Variants in EYA2 observed in about 807,000 individuals in gnomAD.
EYA2 encodes protein phosphatase EYA2.
A neutral mutation model predicts 69.2 loss-of-function variants in EYA2; 31 were observed. The ratio of observed to expected loss-of-function variants is 0.45; its 90% CI spans 0.34 to 0.60. The LOEUF is 0.60. EYA2 is among the 20% of genes least tolerant of loss of function. The pLI is 0.02. For missense variants in EYA2, 622 were observed against 701.2 expected (o/e 0.89, Z 1.28); for synonymous variants, 257 against 279.4 (o/e 0.92, Z 0.80).
At chr20:46,994,362 A>C (rs1185535614) in intron 2 of EYA2, among the ~76,000 whole-genome samples, 1 of 152,214 alleles carries the variant, frequency 6.6e-6, no homozygotes, top group East Asian at 1.9e-4. Context: ...TGTCTCTGGG[A>C]AGGGGTGGTG....
intron 7 of EYA2, among the ~76,000 whole-genome samples, chr20:47,082,407 T>C (rs1300445383): frequency 1.3e-5 from 2 of 151,426 alleles, no homozygotes; most frequent in Non-Finnish European, 2.9e-5. Flanking sequence ...TTAGCAGTGT[T>C]GCAGGGTACT....
chr20:47,007,124 GT>G (rs1449868769), intron 4 of EYA2, among the ~76,000 whole-genome samples: 3 of 152,070 alleles, frequency 2.0e-5, no homozygotes, highest in Non-Finnish European at 4.4e-5. Context: ...TAGAGATGAG[GT>G]TTTGCCATGT....
chr20:47,116,501 A>C (rs1289699952), intron 9 of EYA2, among the ~76,000 whole-genome samples: 1 of 151,298 alleles, frequency 6.6e-6, no homozygotes, highest in Non-Finnish European at 1.5e-5. Context: ...AAAAGGCTGG[A>C]ATTGAAACCT....
chr20:46,970,170 G>A (rs370587172), intron 1 of EYA2, among the ~76,000 whole-genome samples: 1 of 152,230 alleles, frequency 6.6e-6, no homozygotes, highest in South Asian at 2.1e-4. Flanking sequence ...CCATAGTTAA[G>A]CGCGACTGAA....
intron 1 of EYA2, among the ~76,000 whole-genome samples, chr20:46,921,867 T>G (rs1463570846): frequency 6.6e-6 from 1 of 152,250 alleles, no homozygotes; most frequent in African/African-American, 2.4e-5. Context: ...TAAAGAAGTT[T>G]GAATGGAGTC....
At chr20:46,944,229 A>G (rs898992927) in intron 1 of EYA2, among the ~76,000 whole-genome samples, 1 of 152,078 alleles carries the variant, frequency 6.6e-6, no homozygotes, top group Admixed American at 6.5e-5. Flanking sequence ...GTTTTGGCCA[A>G]CCAGTGCTCC....
intron 1 of EYA2, among the ~76,000 whole-genome samples, chr20:46,914,332 C>T (rs774310723): frequency 2.7e-4 from 41 of 152,218 alleles, no homozygotes; most frequent in Non-Finnish European, 5.3e-4. Context: ...CCAGATTCTA[C>T]CGCTTGATGG....
intron 7 of EYA2, among the ~76,000 whole-genome samples, chr20:47,079,733 A>C (rs996844849): frequency 6.6e-6 from 1 of 152,246 alleles, no homozygotes. Flanking sequence ...ACAGCTGTTA[A>C]AAAGAATAAG....
intron 5 of EYA2, among the ~76,000 whole-genome samples, chr20:47,057,266 C>T (rs2030675287): frequency 6.6e-6 from 1 of 152,096 alleles, no homozygotes; most frequent in South Asian, 2.1e-4. Flanking sequence ...AAAGGTTTGC[C>T]CAGGAGGTGA....
intron 12 of EYA2, among the ~76,000 whole-genome samples, chr20:47,179,058 T>C (rs1420511468): frequency 6.6e-6 from 1 of 152,070 alleles, no homozygotes; most frequent in Non-Finnish European, 1.5e-5. Context: ...TCAAAAATGT[T>C]CATCATTTTT....
intron 1 of EYA2, chr20:46,901,596 GGTGT>G (rs1365773420): frequency 1.3e-5 from 2 of 152,148 alleles, no homozygotes; most frequent in African/African-American, 4.8e-5. Context: ...TTCTTTTGTG[GGTGT>G]GTATTATTTG....
At chr20:46,932,165 C>T (rs1403826799) in intron 1 of EYA2, among the ~76,000 whole-genome samples, 4 of 151,926 alleles carry the variant, frequency 2.6e-5, no homozygotes, top group African/African-American at 4.8e-5. Flanking sequence ...TCTGGCCTCC[C>T]GTTTATCAGC....
Position 47,130,261 on chromosome 20 carries a change from C to CTTTTTTTTTTTTTTTTTTTTTTT in EYA2, c.889-12777_889-12776insTTTTTTTTTTTTTTTTTTTTTTT, listed in dbSNP as rs74178703. ...AAAGAAATAAAAGAAGGTTTATTTT[C>CTTTTTTTTTTTTTTTTTTTTTTT]TTTTTTTTTTTTTTTTTTTTTGAGA... On this transcript the variant is annotated intron_variant, in intron 9 of 15. Transcript: ENST00000327619. 2.5e-5 allele frequency among the ~76,000 whole-genome samples: 2 copies of CTTTTTTTTTTTTTTTTTTTTTTT among 81,260 alleles called. 1 individual carries two copies. The highest frequency in any genetic ancestry group is 1.2e-4 in the African/African-American group (2 of 17,372). The allele number at this position is 81,260 out of a possible 152,430, so 53.3% of individuals were successfully genotyped here.
rs1352998089 is a variant in EYA2, at chr20:46,988,213, CG to C, written c.-10-1783del. On this transcript the variant is annotated intron_variant, in intron 1 of 15. Coordinates refer to ENST00000327619, the MANE Select transcript of EYA2 (RefSeq NM_005244.5). ...CAATTTTGGTGTCCATGGCGGGGGG[CG>C]GGGGTGGGTCCTGGAAACAGCCCTC... Among the ~76,000 whole-genome samples, 5 of 45,372 alleles carry C rather than the reference CG, an allele frequency of 1.1e-4. No individual in the cohort carries two copies. In the South Asian group the frequency reaches 4.6e-3, roughly 41 times the overall value. The allele number at this position is 45,372 out of a possible 152,430, so 29.8% of individuals were successfully genotyped here.
rs752111640 is a variant in EYA2, at chr20:47,156,127, CATATATATATATATATATATATATAT to C, written c.979-12979_979-12954del. Among the ~76,000 whole-genome samples, 76 of 14,642 alleles carry C rather than the reference CATATATATATATATATATATATATAT, an allele frequency of 5.2e-3. 2 individuals carry two copies. The highest frequency in any genetic ancestry group is 0.023 in the Middle Eastern group (1 of 44). The allele number at this position is 14,642 out of a possible 152,430, so 9.6% of individuals were successfully genotyped here. On this transcript the variant is annotated intron_variant, in intron 10 of 15. Coordinates refer to ENST00000327619, the MANE Select transcript of EYA2 (RefSeq NM_005244.5). Reference sequence around the variant, plus strand: ...ACACACACACACACACACACACACACATATATATATATATATATATATATATATATATATATATATATATATATATA... The same window carrying C: ...ACACACACACACACACACACACACACATATATATATATATATATATATATA...
intron 9 of EYA2, among the ~76,000 whole-genome samples, chr20:47,122,300 T>TG (rs1162883101): frequency 6.8e-6 from 1 of 147,302 alleles, no homozygotes; most frequent in Non-Finnish European, 1.5e-5. Flanking sequence ...TTTTTTTTTT[T>TG]TTTTTTTTTT....
At chr20:47,036,863 G>T (rs909479382) in intron 5 of EYA2, among the ~76,000 whole-genome samples, 1 of 152,176 alleles carries the variant, frequency 6.6e-6, no homozygotes, top group African/African-American at 2.4e-5. Flanking sequence ...TATGTGACAG[G>T]CAAGGGGCTT....
intron 5 of EYA2, among the ~76,000 whole-genome samples, chr20:47,034,327 G>T (rs1984577822): frequency 6.6e-6 from 1 of 152,202 alleles, no homozygotes; most frequent in African/African-American, 2.4e-5. Context: ...TAGGACACAG[G>T]TAAGTTTCGC....
rs764407691 is a variant in EYA2 at position 47,180,041 on chromosome 20, T to A, written c.1313+129T>A. 2.4e-3 allele frequency: 1,429 copies of A among 584,218 alleles called. 3 individuals are homozygous for A. Among genetic ancestry groups the A allele is most frequent in the Non-Finnish European group, 3.2e-3 (1,064 of 335,484 alleles). The allele number at this position is 584,218 out of a possible 1,614,324, so 36.2% of individuals were successfully genotyped here. A position where few individuals can be genotyped will look rare whatever the true frequency, so the allele number is the denominator to read the frequency against. ...CTCACTTGTACACTTTCCAAATATT[T>A]TTTTTTTTTGATATGGAGTCTCACT... On this transcript the variant is annotated intron_variant, in intron 13 of 15. Transcript: ENST00000327619.
Sources: allele counts gnomAD v4.1 joint callset (sites outside exome capture counted in the v4.1 genomes callset), GRCh38; gene constraint gnomAD v4.1.1; transcripts MANE v1.5; gene names NCBI Gene and HGNC (gene_info 2026-07-23, HGNC 2026-07-21).